The following STXBP5L variants were observed in gnomAD, a reference collection of about 807,000 sequenced individuals.
STXBP5L encodes syntaxin binding protein 5L.
In STXBP5L, 65 loss-of-function variants were observed where a neutral mutation model predicts 144.5. That is an observed-to-expected ratio of 0.45 (90% CI 0.37 to 0.55). The LOEUF (loss-of-function observed/expected upper bound fraction) is 0.55. STXBP5L is among the 20% of genes least tolerant of loss of function. The probability of loss-of-function intolerance (pLI) is 0.00; values close to 1 mark genes in which losing one functional copy is unlikely to be tolerated. For synonymous variants in STXBP5L, 505 were observed against 469.6 expected (o/e 1.08, Z -0.97); for missense variants, 1,298 against 1,405.5 (o/e 0.92, Z 1.22).
At chr3:121,243,750 A>G (rs1267815297) in intron 14 of STXBP5L, among the ~76,000 whole-genome samples, 1 of 152,182 alleles carries the variant, frequency 6.6e-6, no homozygotes, top group East Asian at 1.9e-4. Flanking sequence ...TGGTTTTAGT[A>G]GTGGTATTTC....
intron 16 of STXBP5L, 37 bp from the exon 17 acceptor site, chr3:121,257,124 T>C: frequency 6.9e-7 from 1 of 1,457,802 alleles, no homozygotes; most frequent in Non-Finnish European, 9.5e-7. Flanking sequence ...TGATTATTAG[T>C]GTGACTTAAA....
At chr3:121,369,985 G>A (rs751769294) in intron 20 of STXBP5L, among the ~76,000 whole-genome samples, 1 of 152,128 alleles carries the variant, frequency 6.6e-6, no homozygotes, top group Non-Finnish European at 1.5e-5. Flanking sequence ...GTTGGAGGAG[G>A]GGCCTGATCG....
intron 7 of STXBP5L, among the ~76,000 whole-genome samples, chr3:121,151,322 AT>A (rs1352356557): frequency 6.6e-6 from 1 of 152,116 alleles, no homozygotes; most frequent in African/African-American, 2.4e-5. Context: ...ATTTTTTGTC[AT>A]TTTTAACATT....
chr3:121,164,060 A>G (rs1288276099), intron 9 of STXBP5L, among the ~76,000 whole-genome samples: 2 of 152,132 alleles, frequency 1.3e-5, no homozygotes. Context: ...TAAATTTAGA[A>G]CATTTTCATC....
intron 3 of STXBP5L, among the ~76,000 whole-genome samples, chr3:120,982,433 G>T (rs372471784): frequency 4.2e-4 from 64 of 152,288 alleles, no homozygotes; most frequent in South Asian, 3.3e-3. Flanking sequence ...TGAAGGAGGG[G>T]AGTTGGCTGC....
chr3:120,925,103 A>G (rs901180879), intron 2 of STXBP5L: 11 of 152,354 alleles, frequency 7.2e-5, no homozygotes, highest in African/African-American at 2.4e-4. Context: ...GCATGGATCT[A>G]GAATTCTTTT....
At chr3:120,917,920 G>A (rs702007) in intron 2 of STXBP5L, among the ~76,000 whole-genome samples, 150,123 of 152,352 alleles carry the variant, frequency 0.99, 73,971 homozygotes, top group East Asian at 1. Flanking sequence ...AAAACAACAC[G>A]AATTTATCAT....
intron 18 of STXBP5L, among the ~76,000 whole-genome samples, chr3:121,263,288 G>A (rs1216324350): frequency 6.6e-6 from 1 of 152,100 alleles, no homozygotes; most frequent in Non-Finnish European, 1.5e-5. Flanking sequence ...CAACAAAAAG[G>A]ACATTCACAC....
At chr3:121,136,766 G>C (rs1423571605) in intron 7 of STXBP5L, among the ~76,000 whole-genome samples, 1 of 152,194 alleles carries the variant, frequency 6.6e-6, no homozygotes, top group Non-Finnish European at 1.5e-5. Flanking sequence ...CTACCATAAA[G>C]ACACATGCGT....
chr3:121,283,883 TTGTGTGTGTGCTTGTGTG>T (rs2051142817), intron 19 of STXBP5L, among the ~76,000 whole-genome samples: 3 of 143,816 alleles, frequency 2.1e-5, no homozygotes, highest in South Asian at 4.3e-4. Flanking sequence ...TCTCCTACAT[TTGTGTGTGTGCTTGTGTG>T]TGTGTGTGTG....
At chr3:121,006,657 A>T (rs1476233786) in intron 3 of STXBP5L, among the ~76,000 whole-genome samples, 2 of 152,096 alleles carry the variant, frequency 1.3e-5, no homozygotes, top group Non-Finnish European at 2.9e-5. Context: ...AATGGTCTTT[A>T]CAATTTGGCA....
intron 5 of STXBP5L, among the ~76,000 whole-genome samples, chr3:121,065,397 AAC>A (rs905122191): frequency 6.6e-6 from 1 of 152,088 alleles, no homozygotes; most frequent in Admixed American, 6.5e-5. Flanking sequence ...ACATTATATA[AAC>A]ACACACACAT....
chr3:121,157,800 A>C (rs1054035308), intron 9 of STXBP5L, 173 bp downstream of exon 9: 18 of 829,980 alleles, frequency 2.2e-5, no homozygotes, highest in Admixed American at 4.1e-5. Context: ...CAAACTTTCC[A>C]TACTTCCCTT....
chr3:121,003,241 T>G (rs573224595), intron 3 of STXBP5L, among the ~76,000 whole-genome samples: 1 of 152,118 alleles, frequency 6.6e-6, no homozygotes, highest in Non-Finnish European at 1.5e-5. Context: ...TTTTAATGAT[T>G]GCCATTCTAA....
At chr3:120,958,593 G>T (rs1192573284) in intron 3 of STXBP5L, among the ~76,000 whole-genome samples, 1 of 152,158 alleles carries the variant, frequency 6.6e-6, no homozygotes, top group Non-Finnish European at 1.5e-5. Context: ...TGCAAGTCTG[G>T]TTCAACATAT....
intron 2 of STXBP5L, among the ~76,000 whole-genome samples, chr3:120,926,356 C>CTTTTTTTTTTTTTTTTTTTTT (rs35029446): frequency 7.2e-6 from 1 of 139,740 alleles, no homozygotes. Flanking sequence ...GATGGCAGTT[C>CTTTTTTTTTTTTTTTTTTTTT]TTTTTTTTTT....
At chr3:121,297,200 A>G (rs2051687826) in intron 19 of STXBP5L, among the ~76,000 whole-genome samples, 1 of 68,728 alleles carries the variant, frequency 1.5e-5, no homozygotes, top group Admixed American at 1.9e-4. Context: ...ATTCTACATT[A>G]TATGTGTGTG....
intron 20 of STXBP5L, among the ~76,000 whole-genome samples, chr3:121,342,291 G>T (rs1322616749): frequency 6.6e-6 from 1 of 152,054 alleles, no homozygotes; most frequent in Admixed American, 6.6e-5. Context: ...TTCAAGCCTT[G>T]AATGTATGTA....
intron 2 of STXBP5L, among the ~76,000 whole-genome samples, chr3:120,926,500 A>T (rs951403464): frequency 2.0e-5 from 3 of 151,568 alleles, no homozygotes; most frequent in Admixed American, 2.0e-4. Context: ...TTGACTATTG[A>T]GAGTTTGATT....
Sources: gnomAD v4.1 joint callset for allele counts (sites outside exome capture counted in the v4.1 genomes callset) on GRCh38, gnomAD v4.1.1 for gene constraint, MANE v1.5 for transcripts, NCBI Gene and HGNC (gene_info 2026-07-23, HGNC 2026-07-21) for gene names.